Variants in ASRGL1 observed in about 807,000 individuals in gnomAD.
ASRGL1 encodes the protein isoaspartyl peptidase/L-asparaginase.
Under a neutral mutation model 22.4 loss-of-function variants are expected in ASRGL1, and 16 were observed. The observed-to-expected ratio is 0.71, with a 90% CI of 0.48 to 1.08. The LOEUF is 1.08. ASRGL1 is among the 50% of genes least tolerant of loss of function. ASRGL1 has a pLI of 0.00. For missense variants in ASRGL1, 412 were observed against 410.1 expected (o/e 1.00, Z -0.04); for synonymous variants, 165 against 159.3 (o/e 1.04, Z -0.27).
At position 62,357,021 on chromosome 11, in the gene ASRGL1, C is replaced by T. The variant is rs370679289; in HGVS notation, c.368C>T (p.Ala123Val). 1.4e-5 allele frequency: 23 copies of T among 1,613,666 alleles called. No homozygotes were observed. The highest frequency in any genetic ancestry group is 5.5e-5 in the South Asian group (5 of 91,066). The change falls in exon 4 of 7, where the codon GCG (alanine) becomes GTG (valine). Residue 123 changes from alanine to valine, a missense_variant. Physicochemically the swap from Ala to Val is moderately conservative, Grantham distance 64. Transcript: ENST00000415229. The part of the protein sequence containing the change: ...PHCFLTDQGA[A>V]QFAAAMGVPE... ...TGCTTTCTGACTGACCAAGGCGCAG[C>T]GCAGTTTGCAGCAGCTATGGGGGTT...
intron 4 of ASRGL1, 180 bp downstream of exon 4, chr11:62,357,324 A>C (rs1946326669): frequency 1.5e-6 from 1 of 652,344 alleles, no homozygotes; most frequent in African/African-American, 1.9e-5. Context: ...ATCTCGGCTC[A>C]CTGCAGCCTC....
rs1047904576 is a variant in ASRGL1, at chr11:62,389,300, A to G, written c.610+49A>G. ...CCCCTTCCCCTCTTCTCCCGCCCTC[A>G]GGCTTTCCTCACTCTCTATTCCCTG... On this transcript the variant is annotated intron_variant, in intron 5 of 6. Coordinates refer to ENST00000415229, the MANE Select transcript of ASRGL1 (RefSeq NM_001083926.2). The G allele has an allele frequency of 4.0e-6, 6 of 1,512,802 alleles. No homozygotes were observed. In the African/African-American group the frequency reaches 6.9e-5, roughly 17 times the overall value. The allele number at this position is 1,512,802 out of a possible 1,614,324, so 93.7% of individuals were successfully genotyped here. A position where few individuals can be genotyped will look rare whatever the true frequency, so the allele number is the denominator to read the frequency against.
chr11:62,389,235 G>C lies in ASRGL1; in HGVS notation c.594G>C (p.Gly198=). ...TTAATAAAATGGTCGGCCGCGTTGG[G>C]GACTCACCGTGTCTAGGTAGGACCA... is the stretch of plus-strand genomic sequence containing the variant. ...GIVNKMVGRV[G]DSPCLGAGGY... is the part of the protein sequence containing the mutation. The change falls in exon 5 of 7, where the codon GGG becomes GGC. Residue 198 remains glycine (G), a synonymous_variant. Coordinates refer to ENST00000415229, the MANE Select transcript of ASRGL1 (RefSeq NM_001083926.2). 2 of 1,613,960 alleles carry C rather than the reference G, an allele frequency of 1.2e-6. No individual in the cohort carries two copies. Among genetic ancestry groups the C allele is most frequent in the Non-Finnish European group, 8.5e-7 (1 of 1,179,932 alleles).
chr11:62,372,527 A>T, intron 4 of ASRGL1: 2 of 1,010,262 alleles, frequency 2.0e-6, no homozygotes, highest in Non-Finnish European at 3.2e-6. Flanking sequence ...TATGACTGCA[A>T]ACTAGTTCCC....
In ASRGL1 at chr11:62,392,109, C is replaced by T. The variant is rs1281984139; in HGVS notation, c.752C>T (p.Ser251Leu). 3.7e-6 allele frequency: 6 copies of T among 1,614,082 alleles called. No homozygotes were observed. Among genetic ancestry groups the T allele is most frequent in the Middle Eastern group, 3.3e-4 (2 of 6,084 alleles). Residue 251 changes from serine to leucine, a missense_variant, in exon 7 of 7, where the codon TCG becomes TTG. Coordinates refer to ENST00000415229, the MANE Select transcript of ASRGL1 (RefSeq NM_001083926.2). ...ACGGTAGAAGAGGCTGCGGACCTAT[C>T]GTTGGGTTATATGAAGTCAAGGGTT... is the stretch of plus-strand genomic sequence containing the variant. ...GKTVEEAADL[S>L]LGYMKSRVKG...
In ASRGL1 at chr11:62,389,259, C is replaced by G; in HGVS notation, c.610+8C>G. On this transcript the variant is annotated splice_region_variant and intron_variant, in intron 5 of 6. Coordinates refer to ENST00000415229, the MANE Select transcript of ASRGL1 (RefSeq NM_001083926.2). ...GGGACTCACCGTGTCTAGGTAGGAC[C>G]AAGGGATGCCTCCTGCCCCTTCCCC... The G allele has an allele frequency of 6.2e-7, 1 of 1,605,234 alleles. No individual in the cohort carries two copies. Among genetic ancestry groups the G allele is most frequent in the Non-Finnish European group, 8.5e-7 (1 of 1,171,972 alleles).
At chr11:62,385,896 G>C (rs1947189874) in intron 4 of ASRGL1, among the ~76,000 whole-genome samples, 2 of 151,698 alleles carry the variant, frequency 1.3e-5, no homozygotes, top group South Asian at 4.2e-4. Context: ...GGGTGCAGTG[G>C]CTTACGCCTG....
chr11:62,371,690 G>C (rs1431405781), intron 4 of ASRGL1: 2 of 601,074 alleles, frequency 3.3e-6, no homozygotes, highest in South Asian at 1.4e-5. Flanking sequence ...TGGTGGCTCA[G>C]GCTTGTAATC....
chr11:62,358,591 C>T (rs1946361394), intron 4 of ASRGL1, among the ~76,000 whole-genome samples: 1 of 152,172 alleles, frequency 6.6e-6, no homozygotes, highest in Non-Finnish European at 1.5e-5. Flanking sequence ...GGGTTCCTGC[C>T]ATGGTCCCTG....
At chr11:62,367,463 G>GGT (rs1946639868) in intron 4 of ASRGL1, among the ~76,000 whole-genome samples, 1 of 151,582 alleles carries the variant, frequency 6.6e-6, no homozygotes, top group African/African-American at 2.4e-5. Context: ...TGACCAACAT[G>GGT]GTGAAACCCT....
chr11:62,375,113 G>T (rs1305556860), intron 4 of ASRGL1, among the ~76,000 whole-genome samples: 1 of 152,038 alleles, frequency 6.6e-6, no homozygotes, highest in Non-Finnish European at 1.5e-5. Flanking sequence ...CTAGCCCAGG[G>T]ACTGGAGCAG....
intron 2 of ASRGL1, among the ~76,000 whole-genome samples, chr11:62,343,107 G>A (rs190912815): frequency 1.3e-5 from 2 of 152,194 alleles, no homozygotes; most frequent in East Asian, 1.9e-4. Flanking sequence ...GCCGGGCGCG[G>A]TGGCTCACTC....
At chr11:62,371,953 CAAAAAAAAA>C (rs35892721) in intron 4 of ASRGL1, 17 of 423,288 alleles carry the variant, frequency 4.0e-5, no homozygotes, top group African/African-American at 9.4e-5. Context: ...GACTCCGTCT[CAAAAAAAAA>C]AAAAAAAAAA....
At chr11:62,354,704 C>T (rs1450241558) in intron 2 of ASRGL1, among the ~76,000 whole-genome samples, 1 of 152,050 alleles carries the variant, frequency 6.6e-6, no homozygotes, top group African/African-American at 2.4e-5. Context: ...TGGGATGATG[C>T]TAGAAGTGTT....
In ASRGL1 at chr11:62,384,482, C is replaced by T. The variant is rs187179230; in HGVS notation, c.492-4651C>T. On this transcript the variant is annotated intron_variant, in intron 4 of 6. Transcript: ENST00000415229. ...TGGCGCCACTGCATTTCAGCTTGGG[C>T]AAAAGAGCAAGACTCCATCTCAAAA... Among the ~76,000 whole-genome samples the T allele has an allele frequency of 4.6e-3, 698 of 151,930 alleles. 10 individuals are homozygous for T. The highest frequency in any genetic ancestry group is 0.016 in the African/African-American group (668 of 41,404).
intron 4 of ASRGL1, among the ~76,000 whole-genome samples, chr11:62,364,897 C>T (rs935663990): frequency 2.0e-5 from 3 of 151,586 alleles, no homozygotes; most frequent in Non-Finnish European, 4.4e-5. Context: ...GGCGAAACCC[C>T]GTATCTACTA....
rs765843116 is a variant in ASRGL1 at position 62,357,052 on chromosome 11, G to A, written c.399G>A (p.Glu133=). 15 of 1,614,026 alleles carry A rather than the reference G, an allele frequency of 9.3e-6. No homozygotes were observed. In the East Asian group the frequency reaches 2.9e-4, roughly 31 times the overall value. The part of the protein sequence containing the change: ...AQFAAAMGVP[E]IPGEKLVTER... ...TTGCAGCAGCTATGGGGGTTCCAGA[G>A]ATTCCTGGAGAAAAACTGGTGACAG... The change falls in exon 4 of 7, where the codon GAG becomes GAA. Residue 133 remains glutamate (E), a synonymous_variant. Transcript: ENST00000415229.
At chr11:62,400,175 A>C in the ASRGL1 span, among the ~76,000 whole-genome samples, 1 of 152,038 alleles carries the variant, frequency 6.6e-6, no homozygotes, top group African/African-American at 2.4e-5. Context: ...GCCCCCCAGG[A>C]TATGAGGGGC....
chr11:62,372,340 C>G (rs1590742155), intron 4 of ASRGL1: 3 of 1,586,020 alleles, frequency 1.9e-6, no homozygotes, highest in Non-Finnish European at 1.7e-6. Flanking sequence ...GACGCTGTCC[C>G]CAGCCCTGTG....
Sources: allele counts gnomAD v4.1 joint callset (sites outside exome capture counted in the v4.1 genomes callset), GRCh38; gene constraint gnomAD v4.1.1; transcripts MANE v1.5; gene names NCBI Gene and HGNC (gene_info 2026-07-23, HGNC 2026-07-21).